The following HDLBP variants were observed in gnomAD, a reference collection of about 807,000 sequenced individuals.
HDLBP encodes the protein vigilin.
HDLBP carries 30 observed loss-of-function variants against 137.3 expected under a neutral mutation model. That is an observed-to-expected ratio of 0.22 (90% CI 0.16 to 0.30). HDLBP has a LOEUF of 0.30. Among genes scored for constraint, HDLBP ranks in the 10% least tolerant of loss-of-function variants. HDLBP has a pLI of 1.00. For missense variants in HDLBP, 1,119 were observed against 1,667.3 expected (o/e 0.67, Z 5.73); for synonymous variants, 606 against 596.0 (o/e 1.02, Z -0.24).
intron 4 of HDLBP, among the ~76,000 whole-genome samples, chr2:241,263,890 AG>A (rs925999931): frequency 6.6e-6 from 1 of 152,130 alleles, no homozygotes; most frequent in African/African-American, 2.4e-5. Flanking sequence ...GCTAGCATAC[AG>A]GGTGGACATG....
intron 1 of HDLBP, among the ~76,000 whole-genome samples, chr2:241,276,986 T>TA (rs757786857): frequency 0.025 from 3,189 of 129,846 alleles, 71 homozygotes; most frequent in African/African-American, 0.062. Context: ...GGCCAGGAGC[T>TA]AAAAAAAAAA....
chr2:241,243,905 C>T lies in HDLBP; in HGVS notation c.1951-1227G>A, dbSNP rs187223278. Among the ~76,000 whole-genome samples, 11 of 151,878 alleles carry T rather than the reference C, an allele frequency of 7.2e-5. No homozygotes were observed. The Middle Eastern group carries it at 0.014, about 188-fold the overall frequency. ...AAATGCAAAGAATAGGGGGAAAACC[C>T]ATAACGAGGAAAAGAAAATAGAAAA... On this transcript the variant is annotated intron_variant, in intron 16 of 27. Coordinates refer to ENST00000310931, the MANE Select transcript of HDLBP (RefSeq NM_005336.6).
Position 241,240,823 on chromosome 2 carries a change from C to T in HDLBP, c.2170-701G>A, listed in dbSNP as rs2071137889. Among the ~76,000 whole-genome samples the T allele has an allele frequency of 6.6e-6, 1 of 152,184 alleles. No individual in the cohort carries two copies. The highest frequency in any genetic ancestry group is 2.4e-5 in the African/African-American group (1 of 41,454). On this transcript the variant is annotated intron_variant, in intron 17 of 27. Coordinates refer to ENST00000310931, the MANE Select transcript of HDLBP (RefSeq NM_005336.6). This position sits in a 1 kb window ranked among gnomAD's most constrained non-coding sequence, Gnocchi z 5.5. ...CACCAGTGCTTCTGGCAGACCCACG[C>T]AGGGGCCCCGAGAAGGGCGCTGCTC...
At chr2:241,306,448 G>A (rs1451100646) in intron 1 of HDLBP, among the ~76,000 whole-genome samples, 19 of 151,880 alleles carry the variant, frequency 1.3e-4, no homozygotes, top group Admixed American at 2.0e-4. Flanking sequence ...TAGTAGAGAC[G>A]GGGCTTCTCC....
intron 1 of HDLBP, among the ~76,000 whole-genome samples, chr2:241,293,562 T>G (rs898946497): frequency 2.0e-5 from 3 of 149,880 alleles, no homozygotes; most frequent in African/African-American, 7.4e-5. Flanking sequence ...CAGTGAGCCA[T>G]GATTGCACCA....
At chr2:241,257,333 A>T (rs1166505783) in intron 5 of HDLBP, among the ~76,000 whole-genome samples, 1 of 152,202 alleles carries the variant, frequency 6.6e-6, no homozygotes, top group Non-Finnish European at 1.5e-5. Context: ...CCTGGGTTCA[A>T]GGGATTCTCC....
At chr2:241,295,942 C>A (rs544644975) in intron 1 of HDLBP, among the ~76,000 whole-genome samples, 4 of 151,992 alleles carry the variant, frequency 2.6e-5, no homozygotes, top group Non-Finnish European at 4.4e-5. Flanking sequence ...TCCAAAACTG[C>A]GAGAGAATAC....
intron 1 of HDLBP, among the ~76,000 whole-genome samples, chr2:241,300,942 C>A (rs533476886): frequency 1.4e-5 from 2 of 147,188 alleles, no homozygotes; most frequent in Non-Finnish European, 3.0e-5. Context: ...TGATTTCATG[C>A]ACACATACTA....
In HDLBP at chr2:241,272,136, G is replaced by A; in HGVS notation, c.-102-3595C>T. 1 of 980,502 alleles carries A rather than the reference G, an allele frequency of 1.0e-6. No individual in the cohort carries two copies. Among genetic ancestry groups the A allele is most frequent in the Non-Finnish European group, 1.2e-6 (1 of 825,448 alleles). 60.7% of individuals were successfully genotyped at this position (980,502 alleles called of 1,614,324 possible). A position where few individuals can be genotyped will look rare whatever the true frequency, so the allele number is the denominator to read the frequency against. ...CGTCCAAGTTGCACTCCAGGCCCAA[G>A]AAGAGCAGCTTTCCCCACCCCCGAA... On this transcript the variant is annotated intron_variant, in intron 1 of 27. Coordinates refer to ENST00000310931, the MANE Select transcript of HDLBP (RefSeq NM_005336.6). The surrounding 1 kb of genome is among the most constrained non-coding windows in gnomAD (Gnocchi z 5.6).
chr2:241,273,457 C>T (rs2074264232), intron 1 of HDLBP: 2 of 471,368 alleles, frequency 4.2e-6, no homozygotes, highest in Admixed American at 6.4e-5. Context: ...GCCTCTGAGC[C>T]CACGGTGGAT....
intron 1 of HDLBP, among the ~76,000 whole-genome samples, chr2:241,282,297 G>A (rs750831935): frequency 2.0e-5 from 3 of 152,168 alleles, no homozygotes; most frequent in Non-Finnish European, 4.4e-5. Flanking sequence ...AGTAGAATAA[G>A]ATTCTACATT....
Position 241,262,696 on chromosome 2 carries a change from C to G in HDLBP, c.450+15G>C, listed in dbSNP as rs778818710. The G allele has an allele frequency of 6.3e-7, 1 of 1,584,820 alleles. No individual in the cohort carries two copies. Among genetic ancestry groups the G allele is most frequent in the East Asian group, 2.2e-5 (1 of 44,748 alleles). On this transcript the variant is annotated intron_variant, in intron 5 of 27. Transcript: ENST00000310931. ...TACACAGTCACTGGGGAGAAGTAGG[C>G]CTCAGGCTACCCACCTGAGTCTGCA...
At chr2:241,296,683 C>T (rs866006968) in intron 1 of HDLBP, among the ~76,000 whole-genome samples, 6 of 152,084 alleles carry the variant, frequency 3.9e-5, no homozygotes, top group Non-Finnish European at 8.8e-5. Context: ...TTATGAGATC[C>T]GCAAAGATGA....
At chr2:241,251,241 G>A (rs981113445) in intron 11 of HDLBP, among the ~76,000 whole-genome samples, 5 of 152,186 alleles carry the variant, frequency 3.3e-5, no homozygotes, top group African/African-American at 1.2e-4. Context: ...TTACAGGCAA[G>A]AGCCACCGTG....
At position 241,235,852 on chromosome 2, in the gene HDLBP, G is replaced by A. The variant is rs538995728; in HGVS notation, c.2905-258C>T. On this transcript the variant is annotated intron_variant, in intron 21 of 27. Transcript: ENST00000310931. ...TCCTGAATTACAGCAGCCCCTTCAG[G>A]CCCACGTAGGAGGAGAGGCCCTGAC... 3.9e-5 allele frequency among the ~76,000 whole-genome samples: 6 copies of A among 152,274 alleles called. No individual in the cohort carries two copies. In the South Asian group the frequency reaches 8.3e-4, roughly 21 times the overall value.
At chr2:241,266,765 C>A (rs776026477) in intron 3 of HDLBP, 29 bp downstream of exon 3, 1 of 1,365,530 alleles carries the variant, frequency 7.3e-7, no homozygotes, top group African/African-American at 1.4e-5. Flanking sequence ...TTAGACATTA[C>A]CAGGAAGAGC....
chr2:241,256,103 C>A, intron 7 of HDLBP, 81 bp downstream of exon 7: 1 of 1,178,502 alleles, frequency 8.5e-7, no homozygotes, highest in Admixed American at 1.8e-5. Flanking sequence ...AGGGGCAGAA[C>A]CAGGCCTTAA....
chr2:241,285,072 G>T (rs1341695129), intron 1 of HDLBP, among the ~76,000 whole-genome samples: 2 of 152,118 alleles, frequency 1.3e-5, no homozygotes, highest in Non-Finnish European at 2.9e-5. Flanking sequence ...GTAGAGGCGG[G>T]GTTTCACCAT....
chr2:241,260,476 C>A (rs75942701), intron 5 of HDLBP, among the ~76,000 whole-genome samples: 2 of 151,360 alleles, frequency 1.3e-5, no homozygotes, highest in African/African-American at 4.8e-5. Flanking sequence ...GTCGCCGGAG[C>A]GCCAAAGAAT....
Sources: gnomAD v4.1 joint callset for allele counts (sites outside exome capture counted in the v4.1 genomes callset) on GRCh38, gnomAD v4.1.1 for gene constraint, Gnocchi (gnomAD v3.1) non-coding constraint, MANE v1.5 for transcripts, NCBI Gene and HGNC (gene_info 2026-07-23, HGNC 2026-07-21) for gene names.